RAB11FIP1: variants seen among roughly 807,000 people sequenced by gnomAD.
RAB11FIP1 encodes the protein RAB11 family interacting protein 1, also known as rab11 family-interacting protein 1.
In RAB11FIP1, 49 loss-of-function variants were observed where a neutral mutation model predicts 83.1. That is an observed-to-expected ratio of 0.59 (90% CI 0.47 to 0.75). The LOEUF (loss-of-function observed/expected upper bound fraction) is 0.75. Among genes scored for constraint, RAB11FIP1 ranks in the 30% least tolerant of loss-of-function variants. The pLI is 0.00. For missense variants in RAB11FIP1, 1,536 were observed against 1,598.7 expected, an observed-to-expected ratio of 0.96 and a Z score of 0.67; for synonymous variants, 670 against 656.0, an observed-to-expected ratio of 1.02 and a Z score of -0.33.
At chr8:37,876,127 G>C (rs182942533) in intron 2 of RAB11FIP1, among the ~76,000 whole-genome samples, 2 of 151,890 alleles carry the variant, frequency 1.3e-5, no homozygotes, top group Non-Finnish European at 2.9e-5. Flanking sequence ...CCCAGGAGGC[G>C]GAAGTTGCAA....
At position 37,862,309 on chromosome 8, in the gene RAB11FIP1, C is replaced by T. The variant is rs931404916; in HGVS notation, c.*586G>A. ...AAAATCTGAAAGGCATACTCAGAGG[C>T]TTTCTCTAAACACCTCTGTTCCCAT... On this transcript the variant is annotated 3_prime_UTR_variant, in exon 6 of 6. Transcript: ENST00000330843. 2.2e-4 allele frequency: 34 copies of T among 152,472 alleles called. No homozygotes were observed. The highest frequency in any genetic ancestry group is 5.9e-4 in the Admixed American group (9 of 15,286). 9.4% of individuals were successfully genotyped at this position (152,472 alleles called of 1,614,324 possible).
At position 37,861,837 on chromosome 8, in the gene RAB11FIP1, C is replaced by T. The variant is rs1806241250; in HGVS notation, c.*1058G>A. On this transcript the variant is annotated 3_prime_UTR_variant, in exon 6 of 6. Transcript: ENST00000330843. ...CTCCTGACCTCAAGTGATCCACCCT[C>T]CTCGGCCTTGCAAAGTGCTGGGATT... The T allele has an allele frequency of 3.3e-6, 1 of 302,434 alleles. No homozygotes were observed. The highest frequency in any genetic ancestry group is 1.2e-3 in the Middle Eastern group (1 of 812). 18.7% of individuals were successfully genotyped at this position (302,434 alleles called of 1,614,324 possible). A position where few individuals can be genotyped will look rare whatever the true frequency, so the allele number is the denominator to read the frequency against.
At chr8:37,869,325 C>A (rs941161603) in intron 5 of RAB11FIP1, among the ~76,000 whole-genome samples, 8 of 151,900 alleles carry the variant, frequency 5.3e-5, no homozygotes, top group Admixed American at 4.6e-4. Context: ...GGCGCAGGGG[C>A]TCATCCCTGT....
chr8:37,863,892 G>A (rs958579460), intron 5 of RAB11FIP1, among the ~76,000 whole-genome samples: 10 of 152,108 alleles, frequency 6.6e-5, no homozygotes, highest in African/African-American at 1.9e-4. Context: ...AGCTGGTGAC[G>A]ACTCCCAAGC....
At chr8:37,884,405 T>C (rs1448665432) in intron 1 of RAB11FIP1, among the ~76,000 whole-genome samples, 1 of 151,856 alleles carries the variant, frequency 6.6e-6, no homozygotes, top group East Asian at 1.9e-4. Context: ...CATATATATT[T>C]TGAGATGGGG....
chr8:37,862,800 C>T lies in RAB11FIP1; in HGVS notation c.*95G>A, dbSNP rs570861909. The stretch of plus-strand genomic sequence containing the variant: ...ATGTGAGGGAGATGGTGATTCGGAG[C>T]CTGCTGGCTGGTTATCAGGCAAGGC... On this transcript the variant is annotated 3_prime_UTR_variant, in exon 6 of 6. Transcript: ENST00000330843. 1.1e-5 allele frequency: 10 copies of T among 903,544 alleles called. 1 individual carries two copies. In the South Asian group the frequency reaches 1.6e-4, roughly 14 times the overall value. 56.0% of individuals were successfully genotyped at this position (903,544 alleles called of 1,614,324 possible). A position where few individuals can be genotyped will look rare whatever the true frequency, so the allele number is the denominator to read the frequency against.
chr8:37,863,238 CTT>C, intron 5 of RAB11FIP1, 125 bp from the exon 6 acceptor site: 1 of 54,042 alleles, frequency 1.9e-5, no homozygotes, highest in Non-Finnish European at 3.3e-5. Flanking sequence ...AATCCATTTT[CTT>C]TCTTTCTTTC....
rs1366226289 is a variant in RAB11FIP1 at position 37,872,172 on chromosome 8, G to A, written c.2630C>T (p.Ala877Val). The A allele has an allele frequency of 1.4e-5, 23 of 1,613,874 alleles. No individual in the cohort carries two copies. Among genetic ancestry groups the A allele is most frequent in the Middle Eastern group, 1.6e-4 (1 of 6,080 alleles). ...VTTPGPATCG[A>V]PASPADHLLL... ...GAGGTGATCCGCTGGGGAGGCTGGC[G>A]CACCACACGTCGCTGGCCCAGGTGT... Residue 877 changes from alanine to valine, a missense_variant, in exon 4 of 6, where the codon GCG becomes GTG. Coordinates refer to ENST00000330843, the MANE Select transcript of RAB11FIP1 (RefSeq NM_001002814.3).
chr8:37,880,253 T>A (rs537077818), intron 1 of RAB11FIP1, among the ~76,000 whole-genome samples: 1 of 151,636 alleles, frequency 6.6e-6, no homozygotes, highest in Admixed American at 6.6e-5. Context: ...GATCCAGGAG[T>A]TTGAGACCAG....
intron 1 of RAB11FIP1, among the ~76,000 whole-genome samples, chr8:37,883,175 G>GT (rs939874178): frequency 1.3e-4 from 20 of 150,260 alleles, no homozygotes; most frequent in Admixed American, 1.3e-4. Flanking sequence ...TTTTTTTCTG[G>GT]TTTTTTTTTC....
At chr8:37,873,421 A>T in intron 3 of RAB11FIP1, 1 of 416,096 alleles carries the variant, frequency 2.4e-6, no homozygotes, top group South Asian at 3.5e-5. Flanking sequence ...CCCAGCCAAC[A>T]TGGTGAAACC....
rs747545506 is a variant in RAB11FIP1 at position 37,871,997 on chromosome 8, A to G, written c.2805T>C (p.Ser935=). ...CCAACTGAAGGTCACTCAAGGGGTCAGACAATAAACCTTCGTGGTCACTGG... is the reference window on the plus strand; with the variant it reads ...CCAACTGAAGGTCACTCAAGGGGTCGGACAATAAACCTTCGTGGTCACTGG... ...SKASDHEGLL[S]DPLSDLQLVS... The change falls in exon 4 of 6, where the codon TCT becomes TCC. Residue 935 remains serine, a synonymous_variant. Transcript: ENST00000330843. 1 of 1,614,214 alleles carries G rather than the reference A, an allele frequency of 6.2e-7. No homozygotes were observed. Among genetic ancestry groups the G allele is most frequent in the Non-Finnish European group, 8.5e-7 (1 of 1,180,040 alleles).
intron 5 of RAB11FIP1, among the ~76,000 whole-genome samples, chr8:37,869,449 G>A (rs1263123794): frequency 3.3e-5 from 5 of 151,778 alleles, no homozygotes; most frequent in South Asian, 2.1e-4. Flanking sequence ...AAAATTAGCC[G>A]GGCATGGTGG....
Position 37,873,137 on chromosome 8 carries a change from A to G in RAB11FIP1, c.1665T>C (p.Pro555=). 1 of 1,609,756 alleles carries G rather than the reference A, an allele frequency of 6.2e-7. No homozygotes were observed. Among genetic ancestry groups the G allele is most frequent in the Non-Finnish European group, 8.5e-7 (1 of 1,179,218 alleles). The part of the protein sequence containing the change: ...SPEAQPTARL[P]SPTDSPSSLP... ...GAGAGGAAGGGGAGTCAGTAGGGGAAGGAAGCCTGGCTGTGGGTTGCGCCT... is the reference window on the plus strand; with the variant it reads ...GAGAGGAAGGGGAGTCAGTAGGGGAGGGAAGCCTGGCTGTGGGTTGCGCCT... Residue 555 remains proline (P), a synonymous_variant, in exon 4 of 6, where the codon CCT becomes CCC. Coordinates refer to ENST00000330843, the MANE Select transcript of RAB11FIP1 (RefSeq NM_001002814.3).
Position 37,872,011 on chromosome 8 carries a change from C to T in RAB11FIP1, c.2791G>A (p.Glu931Lys), listed in dbSNP as rs370083013. The change falls in exon 4 of 6, where the codon GAA becomes AAA. Residue 931 changes from glutamate to lysine, a missense_variant. Physicochemically the swap from Glu to Lys is moderately conservative, Grantham distance 56. Coordinates refer to ENST00000330843, the MANE Select transcript of RAB11FIP1 (RefSeq NM_001002814.3). ...CTCAAGGGGTCAGACAATAAACCTT[C>T]GTGGTCACTGGCTTTGCTCTGATAC... is the stretch of plus-strand genomic sequence containing the variant. ...TQYQSKASDH[E>K]GLLSDPLSDL... is the part of the protein sequence containing the mutation. The T allele has an allele frequency of 4.7e-5, 76 of 1,614,044 alleles. No individual in the cohort carries two copies. Among genetic ancestry groups the T allele is most frequent in the Middle Eastern group, 3.3e-4 (2 of 6,084 alleles).
rs1806222929 is a variant in RAB11FIP1, at chr8:37,861,072, G to A, written c.*1823C>T. 1 of 152,758 alleles carries A rather than the reference G, an allele frequency of 6.5e-6. No individual in the cohort carries two copies. Among genetic ancestry groups the A allele is most frequent in the African/African-American group, 2.4e-5 (1 of 41,428 alleles). The allele number at this position is 152,758 out of a possible 1,614,324, so 9.5% of individuals were successfully genotyped here. ...TTAGATGAGATTCTATCATAGCCAG[G>A]GAAAAAAATGAGAAATACCAGAAAC... On this transcript the variant is annotated 3_prime_UTR_variant, in exon 6 of 6. Transcript: ENST00000330843.
Position 37,899,104 on chromosome 8 carries a change from T to TC in RAB11FIP1, c.337dup (p.Asp113GlyfsTer15), listed in dbSNP as rs1807158247. On this transcript the variant is annotated frameshift_variant, in exon 1 of 6. Coordinates refer to ENST00000330843, the MANE Select transcript of RAB11FIP1 (RefSeq NM_001002814.3). LOFTEE classifies it high-confidence loss of function. The surrounding 1 kb of genome is among the most constrained non-coding windows in gnomAD (Gnocchi z 4.5). ...CCTGCGGCCCTGGTCGCGGTGCAGA[T>TC]CCCGCAGGTCCACCTCGGCGCGGCC... 1 of 1,527,678 alleles carries TC rather than the reference T, an allele frequency of 6.5e-7. No homozygotes were observed. The highest frequency in any genetic ancestry group is 8.7e-7 in the Non-Finnish European group (1 of 1,146,728). The allele number at this position is 1,527,678 out of a possible 1,614,324, so 94.6% of individuals were successfully genotyped here.
intron 5 of RAB11FIP1, among the ~76,000 whole-genome samples, chr8:37,869,454 T>C (rs982652207): frequency 6.6e-6 from 1 of 151,778 alleles, no homozygotes; most frequent in Non-Finnish European, 1.5e-5. Context: ...TAGCCGGGCA[T>C]GGTGGCGCGC....
At chr8:37,886,556 C>A (rs1335408513) in intron 1 of RAB11FIP1, among the ~76,000 whole-genome samples, 1 of 152,202 alleles carries the variant, frequency 6.6e-6, no homozygotes, top group Admixed American at 6.6e-5. Flanking sequence ...CCAGTTTGGA[C>A]TCCGGGTTCG....
Sources: gnomAD v4.1 joint callset for allele counts (sites outside exome capture counted in the v4.1 genomes callset) on GRCh38, gnomAD v4.1.1 for gene constraint, Gnocchi (gnomAD v3.1) non-coding constraint, MANE v1.5 for transcripts, NCBI Gene and HGNC (gene_info 2026-07-23, HGNC 2026-07-21) for gene names.